Variants in SCAI observed in about 807,000 individuals in gnomAD.
SCAI encodes the protein suppressor of cancer cell invasion.
A neutral mutation model predicts 92.2 loss-of-function variants in SCAI; 24 were observed. The ratio of observed to expected loss-of-function variants is 0.26; its 90% CI spans 0.19 to 0.37. SCAI has a LOEUF of 0.37. SCAI is among the 10% of genes least tolerant of loss of function. The pLI, the probability that SCAI is intolerant of heterozygous loss-of-function variation, is 1.00. For synonymous variants in SCAI, 261 were observed against 258.6 expected, an observed-to-expected ratio of 1.01 and a Z score of -0.09; for missense variants, 450 against 736.2, an observed-to-expected ratio of 0.61 and a Z score of 4.50.
At chr9:125,125,164 T>C (rs1009417934) in intron 2 of SCAI, among the ~76,000 whole-genome samples, 5 of 152,036 alleles carry the variant, frequency 3.3e-5, no homozygotes. Context: ...GAAGTTGCAG[T>C]GAGCTGAGAT....
intron 2 of SCAI, among the ~76,000 whole-genome samples, chr9:125,124,868 G>A (rs1177106736): frequency 6.6e-6 from 1 of 152,220 alleles, no homozygotes; most frequent in East Asian, 1.9e-4. Flanking sequence ...GAAGAAAACT[G>A]ACTCTTCACT....
chr9:125,024,277 G>T (rs866312597), intron 6 of SCAI, among the ~76,000 whole-genome samples: 1,580 of 137,432 alleles, frequency 0.011, 31 homozygotes, highest in African/African-American at 0.039. Context: ...TTTTTATGAA[G>T]TTTTTTTTTT....
At chr9:125,080,427 T>C (rs1305117403) in intron 2 of SCAI, among the ~76,000 whole-genome samples, 1 of 152,156 alleles carries the variant, frequency 6.6e-6, no homozygotes, top group South Asian at 2.1e-4. Flanking sequence ...TACCTTTCCT[T>C]TTCCTTAAAA....
At chr9:125,057,182 G>A (rs539169839) in intron 2 of SCAI, among the ~76,000 whole-genome samples, 19 of 152,270 alleles carry the variant, frequency 1.2e-4, no homozygotes, top group Admixed American at 1.0e-3. Context: ...GTGAAATAAT[G>A]AATTTTAATA....
chr9:125,010,240 C>T (rs1022926265), intron 9 of SCAI, among the ~76,000 whole-genome samples: 5 of 152,200 alleles, frequency 3.3e-5, no homozygotes, highest in Admixed American at 6.5e-5. Flanking sequence ...TTGCCTCACT[C>T]GGGAAGCGCA....
At chr9:124,982,284 T>A (rs758458024) in intron 14 of SCAI, among the ~76,000 whole-genome samples, 1 of 152,216 alleles carries the variant, frequency 6.6e-6, no homozygotes, top group African/African-American at 2.4e-5. Flanking sequence ...ATCAAAGCCA[T>A]ACAAGTATTT....
At chr9:124,977,398 G>GGCCT (rs1554776136) in intron 14 of SCAI, among the ~76,000 whole-genome samples, 6 of 151,830 alleles carry the variant, frequency 4.0e-5, no homozygotes, top group Admixed American at 3.3e-4. Flanking sequence ...ACCTCAGTGA[G>GGCCT]GCCCGGCACA....
intron 2 of SCAI, among the ~76,000 whole-genome samples, chr9:125,135,971 C>CAAAAAAAAA (rs1359728011): frequency 2.5e-5 from 2 of 81,094 alleles, no homozygotes; most frequent in African/African-American, 8.1e-5. Flanking sequence ...CCATCTCAAA[C>CAAAAAAAAA]AAAAAAAAAA....
chr9:125,117,653 G>A (rs1366751644), intron 2 of SCAI, among the ~76,000 whole-genome samples: 1 of 114,472 alleles, frequency 8.7e-6, no homozygotes, highest in South Asian at 3.3e-4. Context: ...GCGACAGAGT[G>A]AGACTCCATC....
chr9:124,985,672 A>G, intron 14 of SCAI, among the ~76,000 whole-genome samples: 1 of 151,888 alleles, frequency 6.6e-6, no homozygotes, highest in Non-Finnish European at 1.5e-5. Context: ...GTTTGAGGCC[A>G]CCCTGACCAA....
chr9:125,005,515 G>A (rs1832486041), intron 9 of SCAI, among the ~76,000 whole-genome samples: 1 of 152,020 alleles, frequency 6.6e-6, no homozygotes, highest in Non-Finnish European at 1.5e-5. Context: ...ATTTTTAGTA[G>A]AGGCGGGGTT....
At chr9:124,980,930 T>G (rs1416773641) in intron 14 of SCAI, among the ~76,000 whole-genome samples, 1 of 152,198 alleles carries the variant, frequency 6.6e-6, no homozygotes, top group Non-Finnish European at 1.5e-5. Context: ...TAATTAAATT[T>G]TAGGCCTGAG....
intron 2 of SCAI, among the ~76,000 whole-genome samples, chr9:125,117,003 G>A (rs906128161): frequency 6.6e-6 from 1 of 152,056 alleles, no homozygotes; most frequent in Admixed American, 6.6e-5. Context: ...TGAAACATAA[G>A]AGAATAAAGA....
chr9:125,109,534 T>C (rs1834889438), intron 2 of SCAI, among the ~76,000 whole-genome samples: 1 of 152,196 alleles, frequency 6.6e-6, no homozygotes, highest in African/African-American at 2.4e-5. Context: ...TTTTATTCAA[T>C]ACATACCCTA....
intron 3 of SCAI, among the ~76,000 whole-genome samples, chr9:125,039,438 T>G (rs1833274428): frequency 6.6e-6 from 1 of 150,510 alleles, no homozygotes; most frequent in Admixed American, 6.6e-5. Context: ...AATAGCAATC[T>G]GGGTATCTCA....
intron 9 of SCAI, among the ~76,000 whole-genome samples, chr9:125,006,384 T>C (rs1431686007): frequency 6.6e-6 from 1 of 152,110 alleles, no homozygotes; most frequent in African/African-American, 2.4e-5. Flanking sequence ...CCCCGGTCTC[T>C]TAAAAGAAAA....
chr9:125,077,499 A>G (rs983401843), intron 2 of SCAI, among the ~76,000 whole-genome samples: 6 of 152,146 alleles, frequency 3.9e-5, no homozygotes, highest in African/African-American at 1.4e-4. Flanking sequence ...TGACAACTCT[A>G]TATTAACCCT....
At chr9:125,109,685 CTAT>C (rs1834893729) in intron 2 of SCAI, among the ~76,000 whole-genome samples, 1 of 151,634 alleles carries the variant, frequency 6.6e-6, no homozygotes, top group Non-Finnish European at 1.5e-5. Context: ...ATCTATCTAT[CTAT>C]CTATGTATTT....
rs1831143257 is a variant in SCAI, at chr9:124,946,188, TG to T, written c.*6618del. 6.6e-6 allele frequency: 1 copy of T among 152,198 alleles called. No homozygotes were observed. The highest frequency in any genetic ancestry group is 2.1e-4 in the South Asian group (1 of 4,832). 9.4% of individuals were successfully genotyped at this position (152,198 alleles called of 1,614,324 possible). A position where few individuals can be genotyped will look rare whatever the true frequency, so the allele number is the denominator to read the frequency against. ...ACTCTCCAGTGCAAAAACAATGATT[TG>T]GTTATTCAAACAACAAACCATCAGA... On this transcript the variant is annotated 3_prime_UTR_variant, in exon 18 of 18. Coordinates refer to ENST00000336505, the MANE Select transcript of SCAI (RefSeq NM_001144877.3). The surrounding 1 kb of genome is among the most constrained non-coding windows in gnomAD (Gnocchi z 4.0).
Sources: allele counts gnomAD v4.1 joint callset (sites outside exome capture counted in the v4.1 genomes callset), GRCh38; gene constraint gnomAD v4.1.1; non-coding constraint Gnocchi (gnomAD v3.1); transcripts MANE v1.5; gene names NCBI Gene and HGNC (gene_info 2026-07-23, HGNC 2026-07-21).